KIF1C: variants seen among roughly 807,000 people sequenced by gnomAD.
KIF1C encodes the protein kinesin-like protein KIF1C.
Under a neutral mutation model 126.5 loss-of-function variants are expected in KIF1C, and 61 were observed. The ratio of observed to expected loss-of-function variants is 0.48; its 90% CI spans 0.39 to 0.60. The LOEUF (loss-of-function observed/expected upper bound fraction) is 0.60, where lower values mean the gene tolerates loss of function less well. Ranked by LOEUF, KIF1C falls within the 20% of genes least tolerant of loss-of-function variation. The pLI, the probability that KIF1C is intolerant of heterozygous loss-of-function variation, is 0.00. For missense variants in KIF1C, 1,315 were observed against 1,489.2 expected (o/e 0.88, Z 1.93); for synonymous variants, 640 against 580.6 (o/e 1.10, Z -1.47).
chr17:5,024,233 T>A lies in KIF1C; in HGVS notation c.*82T>A. The A allele has an allele frequency of 9.6e-7, 1 of 1,040,702 alleles. No homozygotes were observed. Among genetic ancestry groups the A allele is most frequent in the Non-Finnish European group, 1.4e-6 (1 of 709,184 alleles). 64.5% of individuals were successfully genotyped at this position (1,040,702 alleles called of 1,614,324 possible). Reference sequence around the variant, plus strand: ...GCCCGAGACGCTGCTTCCCCAGAAGTGCTGGGGCAGGGAGGCCCAGGAGAT... The same window carrying A: ...GCCCGAGACGCTGCTTCCCCAGAAGAGCTGGGGCAGGGAGGCCCAGGAGAT... On this transcript the variant is annotated 3_prime_UTR_variant, in exon 23 of 23. Transcript: ENST00000320785.
At chr17:5,000,066 T>G (rs1313321764) in intron 2 of KIF1C, 96 bp downstream of exon 2, 5 of 595,520 alleles carry the variant, frequency 8.4e-6, no homozygotes, top group Non-Finnish European at 1.5e-5. Context: ...CAGTGACATT[T>G]GGGAGGAAAG....
Position 5,000,760 on chromosome 17 carries a change from C to T in KIF1C, c.107-12C>T. 1 of 1,613,718 alleles carries T rather than the reference C, an allele frequency of 6.2e-7. No individual in the cohort carries two copies. ...CTTGACTTTCCTTCCTTTACCCTCT[C>T]CTGCCCCTCAGCCATCATCAATCCT... On this transcript the variant is annotated splice_polypyrimidine_tract_variant and intron_variant, in intron 3 of 22. Coordinates refer to ENST00000320785, the MANE Select transcript of KIF1C (RefSeq NM_006612.6).
intron 8 of KIF1C, 96 bp downstream of exon 8, chr17:5,002,938 C>T (rs1974637467): frequency 2.0e-6 from 2 of 988,748 alleles, no homozygotes; most frequent in Non-Finnish European, 3.1e-6. Flanking sequence ...CCTCCCTGCC[C>T]ATGCTGGGTT....
At chr17:5,000,891 G>A (rs368057469) in intron 4 of KIF1C, 43 bp downstream of exon 4, 13 of 1,564,734 alleles carry the variant, frequency 8.3e-6, no homozygotes, top group South Asian at 2.2e-5. Context: ...GTGAGAGACA[G>A]AGGATTTAGG....
rs1016094869 is a variant in KIF1C, at chr17:5,023,460, C to T, written c.2629-8C>T. 1.2e-6 allele frequency: 2 copies of T among 1,611,870 alleles called. No individual in the cohort carries two copies. Among genetic ancestry groups the T allele is most frequent in the Non-Finnish European group, 1.7e-6 (2 of 1,178,312 alleles). On this transcript the variant is annotated splice_region_variant and splice_polypyrimidine_tract_variant and intron_variant, in intron 22 of 22. Transcript: ENST00000320785. This position sits in a 1 kb window ranked among gnomAD's most constrained non-coding sequence, Gnocchi z 4.2. ...ATCCCTTCTCCTTTTCTCACTCCTC[C>T]CTCCCAGGATCATGAGGATGAGAAT...
chr17:5,007,440 T>G, intron 15 of KIF1C, 27 bp from the exon 16 acceptor site: 1 of 1,608,868 alleles, frequency 6.2e-7, no homozygotes, highest in Non-Finnish European at 8.5e-7. Context: ...AAGGTAAGAC[T>G]GACATTTGCC....
At chr17:5,002,359 T>C in intron 6 of KIF1C, 105 bp from the exon 7 acceptor site, 1 of 1,140,784 alleles carries the variant, frequency 8.8e-7, no homozygotes, top group Non-Finnish European at 1.3e-6. Context: ...CTTCGCACTG[T>C]GTATTAGCTG....
Position 5,020,520 on chromosome 17 carries a change from C to T in KIF1C, c.1779C>T (p.His593=), listed in dbSNP as rs111965496. The T allele has an allele frequency of 1.6e-5, 26 of 1,613,888 alleles. No homozygotes were observed. Among genetic ancestry groups the T allele is most frequent in the Middle Eastern group, 1.6e-4 (1 of 6,084 alleles). The change falls in exon 20 of 23, where the codon CAC becomes CAT. Residue 593 remains histidine (H), a synonymous_variant. Coordinates refer to ENST00000320785, the MANE Select transcript of KIF1C (RefSeq NM_006612.6). The surrounding 1 kb of genome is among the most constrained non-coding windows in gnomAD (Gnocchi z 5.8). ...SGNRIVMGKN[H]VFRFNHPEQA... Reference sequence around the variant, plus strand: ...ATAGGATTGTGATGGGCAAGAACCACGTTTTCCGCTTCAACCACCCGGAGC... The same window carrying T: ...ATAGGATTGTGATGGGCAAGAACCATGTTTTCCGCTTCAACCACCCGGAGC...
intron 16 of KIF1C, among the ~76,000 whole-genome samples, chr17:5,009,965 C>T (rs887412929): frequency 1.4e-4 from 21 of 152,188 alleles, no homozygotes; most frequent in East Asian, 1.4e-3. Context: ...CACACTCTGT[C>T]GCCCAGGCTG....
At chr17:5,004,716 C>T in intron 12 of KIF1C, 71 bp downstream of exon 12, 2 of 1,585,256 alleles carry the variant, frequency 1.3e-6, no homozygotes, top group Non-Finnish European at 1.7e-6. Flanking sequence ...GCGAGTTGCT[C>T]AGGACCCTGC....
In KIF1C at chr17:5,022,618, A is replaced by C; in HGVS notation, c.2537A>C (p.Glu846Ala). Residue 846 changes from glutamate (E) to alanine (A), a missense_variant, in exon 22 of 23, where the codon GAG (glutamate) becomes GCG (alanine). Glu to Ala is a moderately radical substitution (Grantham distance 107). Transcript: ENST00000320785. The surrounding 1 kb of genome is among the most constrained non-coding windows in gnomAD (Gnocchi z 4.9). ...HIDKLTGILQ[E>A]VKLQNSSKDR... ...GACAAGCTGACGGGGATTCTGCAGG[A>C]GGTGAAGCTGCAGAACAGCAGCAAG... 1 of 1,607,380 alleles carries C rather than the reference A, an allele frequency of 6.2e-7. No individual in the cohort carries two copies. Among genetic ancestry groups the C allele is most frequent in the Non-Finnish European group, 8.5e-7 (1 of 1,176,480 alleles).
At chr17:5,002,168 G>A (rs746831562) in intron 6 of KIF1C, 44 bp downstream of exon 6, 5 of 1,550,634 alleles carry the variant, frequency 3.2e-6, no homozygotes, top group Non-Finnish European at 3.6e-6. Flanking sequence ...GGTCCAGACT[G>A]CTGAGGGCTG....
intron 9 of KIF1C, 47 bp from the exon 10 acceptor site, chr17:5,003,804 C>G (rs2143318593): frequency 6.3e-7 from 1 of 1,581,158 alleles, no homozygotes; most frequent in Non-Finnish European, 8.7e-7. Flanking sequence ...AAGTGGATCA[C>G]ATTGGGAGAA....
rs757104315 is a variant in KIF1C at position 5,023,717 on chromosome 17, G to A, written c.2878G>A (p.Gly960Arg). Residue 960 changes from glycine to arginine, a missense_variant, in exon 23 of 23, where the codon GGG (glycine) becomes AGG (arginine). Physicochemically the swap from Gly to Arg is moderately radical, Grantham distance 125. Coordinates refer to ENST00000320785, the MANE Select transcript of KIF1C (RefSeq NM_006612.6). This position sits in a 1 kb window ranked among gnomAD's most constrained non-coding sequence, Gnocchi z 4.2. ...ACTGCAGGGCTCTGGGGGCCGGGGC[G>A]GGGGGCTGCGCAGGCCCCCAGCCCG... ...QGLQGSGGRG[G>R]GLRRPPARFV... The A allele has an allele frequency of 1.0e-5, 16 of 1,550,294 alleles. No individual in the cohort carries two copies. Among genetic ancestry groups the A allele is most frequent in the East Asian group, 9.0e-5 (4 of 44,314 alleles).
chr17:4,998,639 A>G (rs948179337), intron 1 of KIF1C, among the ~76,000 whole-genome samples: 11 of 152,068 alleles, frequency 7.2e-5, no homozygotes, highest in Non-Finnish European at 1.3e-4. Context: ...GTCAGGGTCT[A>G]GGGGGTCAGG....
In KIF1C at chr17:5,022,126, A is replaced by C; in HGVS notation, c.2045A>C (p.Lys682Thr). The change falls in exon 22 of 23, where the codon AAG (lysine) becomes ACG (threonine). Residue 682 changes from lysine to threonine, a missense_variant. Around this residue, in one of 2 missense-constraint regions of KIF1C, gnomAD observed 874 missense variants for 1,053.2 expected, o/e 0.83. Coordinates refer to ENST00000320785, the MANE Select transcript of KIF1C (RefSeq NM_006612.6). The surrounding 1 kb of genome is among the most constrained non-coding windows in gnomAD (Gnocchi z 4.9). ...ADSDSGDDSD[K>T]RSCEESWRLI... Reference sequence around the variant, plus strand: ...TCGGACAGCGGGGATGACTCTGACAAGCGCTCTTGTGAAGAGAGCTGGAGG... The same window carrying C: ...TCGGACAGCGGGGATGACTCTGACACGCGCTCTTGTGAAGAGAGCTGGAGG... 6.2e-7 allele frequency: 1 copy of C among 1,610,596 alleles called. No homozygotes were observed. The highest frequency in any genetic ancestry group is 8.5e-7 in the Non-Finnish European group (1 of 1,177,448).
At chr17:5,015,243 C>G (rs1974947589) in intron 18 of KIF1C, among the ~76,000 whole-genome samples, 1 of 152,168 alleles carries the variant, frequency 6.6e-6, no homozygotes, top group African/African-American at 2.4e-5. Flanking sequence ...CTGCCTCTAT[C>G]CAGCTATGAC....
In KIF1C at chr17:5,020,908, TGATGGGCA is replaced by T; in HGVS notation, c.2010+35_2010+42del. 6.4e-7 allele frequency: 1 copy of T among 1,552,354 alleles called. No individual in the cohort carries two copies. The highest frequency in any genetic ancestry group is 2.4e-5 in the East Asian group (1 of 41,812). The stretch of plus-strand genomic sequence containing the variant: ...GGGGCAGCAGGGGCTGGGGATGGGC[TGATGGGCA>T]GATGAGCCGCAAGCCTGAGTCCGAG... On this transcript the variant is annotated intron_variant, in intron 21 of 22. Coordinates refer to ENST00000320785, the MANE Select transcript of KIF1C (RefSeq NM_006612.6). The surrounding 1 kb of genome is among the most constrained non-coding windows in gnomAD (Gnocchi z 5.8).
In KIF1C at chr17:5,022,722, T is replaced by G; in HGVS notation, c.2628+13T>G. 6.6e-7 allele frequency: 1 copy of G among 1,508,062 alleles called. No individual in the cohort carries two copies. Among genetic ancestry groups the G allele is most frequent in the Non-Finnish European group, 8.8e-7 (1 of 1,132,162 alleles). 93.4% of individuals were successfully genotyped at this position (1,508,062 alleles called of 1,614,324 possible). A position where few individuals can be genotyped will look rare whatever the true frequency, so the allele number is the denominator to read the frequency against. ...CCCCCTGGCCCAGGTAGGACTGGCC[T>G]TCTGCCTCCCTTCTCTCCTCCCTCG... On this transcript the variant is annotated intron_variant, in intron 22 of 22. Coordinates refer to ENST00000320785, the MANE Select transcript of KIF1C (RefSeq NM_006612.6). This position sits in a 1 kb window ranked among gnomAD's most constrained non-coding sequence, Gnocchi z 4.9.
Sources: gnomAD v4.1 joint callset for allele counts (sites outside exome capture counted in the v4.1 genomes callset) on GRCh38, gnomAD v4.1.1 for gene constraint, gnomAD v4.1.1 regional missense constraint, Gnocchi (gnomAD v3.1) non-coding constraint, MANE v1.5 for transcripts, NCBI Gene and HGNC (gene_info 2026-07-23, HGNC 2026-07-21) for gene names.